The following TTC29 variants were observed in gnomAD, a reference collection of about 807,000 sequenced individuals.
The protein encoded by TTC29 is tetratricopeptide repeat domain 29, also known as tetratricopeptide repeat protein 29.
In TTC29, 49 loss-of-function variants were observed where a neutral mutation model predicts 58.1. The observed-to-expected ratio is 0.84, with a 90% CI of 0.67 to 1.07. The LOEUF is 1.07. TTC29 is among the 50% of genes least tolerant of loss of function. The pLI, the probability that TTC29 is intolerant of heterozygous loss-of-function variation, is 0.00. For synonymous variants in TTC29, 209 were observed against 196.8 expected (o/e 1.06, Z -0.52); for missense variants, 582 against 555.6 (o/e 1.05, Z -0.48).
At chr4:146,836,270 G>T (rs1033600419) in intron 8 of TTC29, among the ~76,000 whole-genome samples, 10 of 152,120 alleles carry the variant, frequency 6.6e-5, no homozygotes, top group Non-Finnish European at 1.2e-4. Flanking sequence ...CTTTTTTGTG[G>T]TTTGAGAGAG....
chr4:146,778,951 A>G (rs1299163520), intron 11 of TTC29, among the ~76,000 whole-genome samples: 5 of 147,204 alleles, frequency 3.4e-5, no homozygotes, highest in Non-Finnish European at 7.5e-5. Flanking sequence ...CATGTAACAC[A>G]ACTGCACTTG....
chr4:146,777,363 A>G (rs993722182), intron 11 of TTC29, among the ~76,000 whole-genome samples: 2 of 151,796 alleles, frequency 1.3e-5, no homozygotes, highest in East Asian at 1.9e-4. Context: ...CTAGACCCCA[A>G]CTGGTTTTTT....
At chr4:146,728,759 G>GTGTGTATATA (rs1743991777) in intron 11 of TTC29, among the ~76,000 whole-genome samples, 2 of 112,584 alleles carry the variant, frequency 1.8e-5, no homozygotes, top group South Asian at 2.7e-4. Context: ...GAGGATATAT[G>GTGTGTATATA]TACATATATA....
intron 11 of TTC29, among the ~76,000 whole-genome samples, chr4:146,720,353 G>T (rs1322563791): frequency 6.6e-6 from 1 of 152,018 alleles, no homozygotes; most frequent in Non-Finnish European, 1.5e-5. Context: ...TTGCATTAAA[G>T]AAAAACCCCC....
chr4:146,916,662 G>C (rs1734241256), intron 4 of TTC29, among the ~76,000 whole-genome samples: 1 of 151,438 alleles, frequency 6.6e-6, no homozygotes, highest in South Asian at 2.1e-4. Context: ...ACTGGTCTCT[G>C]GGGGCATCTA....
chr4:146,887,493 G>C (rs1000556663), intron 6 of TTC29, among the ~76,000 whole-genome samples: 2 of 152,060 alleles, frequency 1.3e-5, no homozygotes, highest in African/African-American at 4.8e-5. Flanking sequence ...GCCTGATATG[G>C]ATATTAGGAG....
At chr4:146,737,310 G>T (rs1428928722) in intron 11 of TTC29, among the ~76,000 whole-genome samples, 4 of 152,090 alleles carry the variant, frequency 2.6e-5, no homozygotes, top group Non-Finnish European at 5.9e-5. Context: ...CTCCCTTCCA[G>T]GCTTGGAAAG....
chr4:146,911,712 G>T (rs114120737), intron 4 of TTC29, among the ~76,000 whole-genome samples: 3 of 152,130 alleles, frequency 2.0e-5, no homozygotes, highest in African/African-American at 7.2e-5. Flanking sequence ...CAGACATTAG[G>T]TCTACTTTCA....
chr4:146,731,829 G>A (rs190414370), intron 11 of TTC29, among the ~76,000 whole-genome samples: 99 of 152,240 alleles, frequency 6.5e-4, no homozygotes, highest in African/African-American at 2.2e-3. Context: ...CAAAGTTAAG[G>A]TTGGCATTCC....
chr4:146,807,935 A>T (rs1750728479), intron 10 of TTC29, among the ~76,000 whole-genome samples: 1 of 152,168 alleles, frequency 6.6e-6, no homozygotes. Flanking sequence ...AGACACAACA[A>T]AAAAAGAAAA....
intron 7 of TTC29, among the ~76,000 whole-genome samples, chr4:146,871,769 TAGAC>T (rs776703726): frequency 4.6e-5 from 7 of 151,856 alleles, no homozygotes; most frequent in Non-Finnish European, 7.4e-5. Flanking sequence ...TTTAAATAAA[TAGAC>T]AGATATCCCA....
At chr4:146,825,944 A>ATT (rs747122709) in intron 9 of TTC29, among the ~76,000 whole-genome samples, 2 of 149,006 alleles carry the variant, frequency 1.3e-5, no homozygotes, top group Non-Finnish European at 1.5e-5. Context: ...TTTTTTTAAA[A>ATT]AAATTTCCAT....
intron 10 of TTC29, among the ~76,000 whole-genome samples, chr4:146,811,870 A>G (rs1751048010): frequency 6.6e-6 from 1 of 152,230 alleles, no homozygotes; most frequent in Non-Finnish European, 1.5e-5. Flanking sequence ...ATGCCCACAC[A>G]GACAGTTTAG....
chr4:146,839,403 T>A, intron 8 of TTC29, among the ~76,000 whole-genome samples: 1 of 152,054 alleles, frequency 6.6e-6, no homozygotes, highest in East Asian at 1.9e-4. Context: ...TTACCTTGAT[T>A]TGAGCATTAT....
At chr4:146,726,756 T>A (rs1367311593) in intron 11 of TTC29, among the ~76,000 whole-genome samples, 3 of 152,104 alleles carry the variant, frequency 2.0e-5, no homozygotes, top group African/African-American at 7.2e-5. Context: ...CTTGGAAGAG[T>A]AACTAAATAG....
chr4:146,713,582 C>T (rs932806481), intron 11 of TTC29, among the ~76,000 whole-genome samples: 2 of 152,080 alleles, frequency 1.3e-5, no homozygotes, highest in Admixed American at 1.3e-4. Flanking sequence ...GCAGGAGACA[C>T]TTTCAAGTTT....
intron 11 of TTC29, among the ~76,000 whole-genome samples, chr4:146,778,981 A>AG (rs1748347484): frequency 8.1e-6 from 1 of 122,908 alleles, no homozygotes; most frequent in Non-Finnish European, 1.6e-5. Flanking sequence ...ATAAGCAAAA[A>AG]AAAAAAAAAA....
chr4:146,829,055 C>T (rs527526680), intron 9 of TTC29, among the ~76,000 whole-genome samples: 1 of 152,296 alleles, frequency 6.6e-6, no homozygotes, highest in East Asian at 1.9e-4. Context: ...TTCCAGTTTT[C>T]TATATGCAGT....
At chr4:146,913,001 T>TG (rs1187726827) in intron 4 of TTC29, among the ~76,000 whole-genome samples, 1 of 152,014 alleles carries the variant, frequency 6.6e-6, no homozygotes, top group African/African-American at 2.4e-5. Context: ...TGAACAGGTT[T>TG]GGGGAAAGAT....
Sources: allele counts gnomAD v4.1 joint callset (sites outside exome capture counted in the v4.1 genomes callset), GRCh38; gene constraint gnomAD v4.1.1; transcripts MANE v1.5; gene names NCBI Gene and HGNC (gene_info 2026-07-23, HGNC 2026-07-21).